The following SLC35F3 variants were observed in gnomAD, a reference collection of about 807,000 sequenced individuals.
The protein encoded by SLC35F3 is putative thiamine transporter SLC35F3.
In SLC35F3, 25 loss-of-function variants were observed where a neutral mutation model predicts 49.9. The observed-to-expected ratio is 0.50, with a 90% CI of 0.37 to 0.70. SLC35F3 has a LOEUF of 0.70. Among genes scored for constraint, SLC35F3 ranks in the 30% least tolerant of loss-of-function variants. The pLI is 0.00. For synonymous variants in SLC35F3, 275 were observed against 265.4 expected (o/e 1.04, Z -0.35); for missense variants, 525 against 639.8 (o/e 0.82, Z 1.94).
At chr1:234,270,795 T>A (rs1003674729) in intron 3 of SLC35F3, among the ~76,000 whole-genome samples, 2 of 152,270 alleles carry the variant, frequency 1.3e-5, no homozygotes, top group East Asian at 3.9e-4. Flanking sequence ...CAAGGCCAAA[T>A]TGGGATGATG....
At chr1:234,304,494 T>C (rs1668747215) in intron 3 of SLC35F3, among the ~76,000 whole-genome samples, 1 of 152,216 alleles carries the variant, frequency 6.6e-6, no homozygotes, top group African/African-American at 2.4e-5. Flanking sequence ...TAATAACCAT[T>C]TGTTCTTGTT....
At chr1:233,929,273 A>T (rs993308445) in intron 2 of SLC35F3, among the ~76,000 whole-genome samples, 1 of 152,178 alleles carries the variant, frequency 6.6e-6, no homozygotes, top group African/African-American at 2.4e-5. Context: ...ATCCAGCTTG[A>T]CCAACATTAC....
rs529539229 is a variant in SLC35F3 at position 233,908,563 on chromosome 1, A to G, written c.283+2805A>G. ...TTTTTTTTTTTTTTTTTTTTTTTTGACAGAGTCTTATTCTGTCACCCAGGC... is the reference window on the plus strand; with the variant it reads ...TTTTTTTTTTTTTTTTTTTTTTTTGGCAGAGTCTTATTCTGTCACCCAGGC... On this transcript the variant is annotated intron_variant, in intron 2 of 7. Transcript: ENST00000366618. Among the ~76,000 whole-genome samples, 97 of 59,082 alleles carry G rather than the reference A, an allele frequency of 1.6e-3. No individual in the cohort carries two copies. In the South Asian group the frequency reaches 0.046, roughly 28 times the overall value. The allele number at this position is 59,082 out of a possible 152,430, so 38.8% of individuals were successfully genotyped here. A position where few individuals can be genotyped will look rare whatever the true frequency, so the allele number is the denominator to read the frequency against.
chr1:233,937,145 A>G (rs778389865), intron 2 of SLC35F3, among the ~76,000 whole-genome samples: 60 of 152,338 alleles, frequency 3.9e-4, no homozygotes, highest in Non-Finnish European at 1.3e-4. Context: ...CTCAAGTTTC[A>G]TAGAAAGGGG....
intron 2 of SLC35F3, among the ~76,000 whole-genome samples, chr1:234,011,886 A>G (rs1248519371): frequency 6.6e-6 from 1 of 152,130 alleles, no homozygotes; most frequent in Non-Finnish European, 1.5e-5. Flanking sequence ...AAGAAATAAG[A>G]CACAGAGACA....
At chr1:234,072,446 C>T (rs1412453896) in intron 2 of SLC35F3, among the ~76,000 whole-genome samples, 3 of 152,126 alleles carry the variant, frequency 2.0e-5, no homozygotes, top group South Asian at 4.1e-4. Flanking sequence ...CCCTGGCCCT[C>T]CTTGGTAGAA....
At chr1:234,157,544 C>T (rs187602535) in intron 2 of SLC35F3, among the ~76,000 whole-genome samples, 5 of 152,132 alleles carry the variant, frequency 3.3e-5, no homozygotes, top group Admixed American at 6.5e-5. Context: ...TACATGAGGA[C>T]GCAATTCTGA....
At chr1:234,132,320 G>A (rs1332192442) in intron 2 of SLC35F3, among the ~76,000 whole-genome samples, 1 of 152,156 alleles carries the variant, frequency 6.6e-6, no homozygotes, top group South Asian at 2.1e-4. Context: ...ATATTTAGGG[G>A]TTTTAAATAC....
intron 2 of SLC35F3, among the ~76,000 whole-genome samples, chr1:234,132,233 T>C (rs1199714060): frequency 1.3e-5 from 2 of 152,200 alleles, no homozygotes; most frequent in African/African-American, 2.4e-5. Flanking sequence ...TTCCTCATAT[T>C]ATATAACATC....
chr1:233,905,010 A>C lies in SLC35F3; in HGVS notation c.-68A>C, dbSNP rs1661747097. 1 of 1,501,428 alleles carries C rather than the reference A, an allele frequency of 6.7e-7. No individual in the cohort carries two copies. Among genetic ancestry groups the C allele is most frequent in the Non-Finnish European group, 9.0e-7 (1 of 1,106,008 alleles). The allele number at this position is 1,501,428 out of a possible 1,614,324, so 93.0% of individuals were successfully genotyped here. A position where few individuals can be genotyped will look rare whatever the true frequency, so the allele number is the denominator to read the frequency against. ...CCAGTCTTCCCAGGCTAGCGGCTGC[A>C]GGGAGCTCCGGCCCGCGGCCCCTCC... is the stretch of plus-strand genomic sequence containing the variant. On this transcript the variant is annotated 5_prime_UTR_variant, in exon 1 of 8. Coordinates refer to ENST00000366618, the MANE Select transcript of SLC35F3 (RefSeq NM_173508.4).
intron 2 of SLC35F3, among the ~76,000 whole-genome samples, chr1:233,941,962 GTTTTTTTTT>G (rs547024039): frequency 8.4e-6 from 1 of 118,912 alleles, no homozygotes; most frequent in African/African-American, 2.9e-5. Flanking sequence ...TTGTTTTTTT[GTTTTTTTTT>G]TTTTTTTTTA....
intron 2 of SLC35F3, among the ~76,000 whole-genome samples, chr1:234,217,629 C>G (rs551617208): frequency 6.5e-4 from 99 of 151,260 alleles, no homozygotes; most frequent in South Asian, 2.7e-3. Context: ...GAGAAGGAGG[C>G]CTTTCTAAGA....
chr1:234,308,575 C>G lies in SLC35F3; in HGVS notation c.609-526C>G, dbSNP rs369900171. On this transcript the variant is annotated intron_variant, in intron 3 of 7. Coordinates refer to ENST00000366618, the MANE Select transcript of SLC35F3 (RefSeq NM_173508.4). ...AAAGCCAAAAGATTAGACACCCTGT[C>G]TTCCCCAGAGTATCCATCCTCCTCC... is the stretch of plus-strand genomic sequence containing the variant. Among the ~76,000 whole-genome samples, 35 of 152,212 alleles carry G rather than the reference C, an allele frequency of 2.3e-4. No individual in the cohort carries two copies. In the South Asian group the frequency reaches 7.1e-3, roughly 31 times the overall value.
chr1:234,110,506 A>G (rs570753975), intron 2 of SLC35F3, among the ~76,000 whole-genome samples: 1 of 152,386 alleles, frequency 6.6e-6, no homozygotes, highest in Middle Eastern at 3.4e-3. Context: ...GGTGTTCAAT[A>G]AACATTTGCT....
At chr1:234,119,483 G>A (rs918031277) in intron 2 of SLC35F3, among the ~76,000 whole-genome samples, 1 of 152,110 alleles carries the variant, frequency 6.6e-6, no homozygotes, top group African/African-American at 2.4e-5. Context: ...TCCGCCGTTG[G>A]ATAGACATTT....
chr1:234,169,258 C>G (rs766884903), intron 2 of SLC35F3, among the ~76,000 whole-genome samples: 4 of 152,214 alleles, frequency 2.6e-5, no homozygotes, highest in Non-Finnish European at 4.4e-5. Flanking sequence ...AAATGCTCAT[C>G]TTTTCCAGAA....
rs532063445 is a variant in SLC35F3, at chr1:234,073,671, C to T, written c.284-157746C>T. On this transcript the variant is annotated intron_variant, in intron 2 of 7. Transcript: ENST00000366618. ...TCAGATCAATTTAAATCACTTCCTC[C>T]GACATGATAAATATATGATACATAC... 1.1e-4 allele frequency among the ~76,000 whole-genome samples: 17 copies of T among 152,232 alleles called. No individual in the cohort carries two copies. In the East Asian group the frequency reaches 1.7e-3, roughly 16 times the overall value.
intron 3 of SLC35F3, among the ~76,000 whole-genome samples, chr1:234,256,242 A>G (rs1016082582): frequency 8.5e-5 from 13 of 152,250 alleles, no homozygotes; most frequent in African/African-American, 3.1e-4. Flanking sequence ...TAGAATTAAT[A>G]AAAAGTGAAT....
chr1:234,243,976 G>T (rs1477328481), intron 3 of SLC35F3, among the ~76,000 whole-genome samples: 1 of 152,226 alleles, frequency 6.6e-6, no homozygotes, highest in East Asian at 1.9e-4. Flanking sequence ...TTGCATAGCT[G>T]CAAGGTGGGA....
Sources: allele counts gnomAD v4.1 joint callset (sites outside exome capture counted in the v4.1 genomes callset), GRCh38; gene constraint gnomAD v4.1.1; transcripts MANE v1.5; gene names NCBI Gene and HGNC (gene_info 2026-07-23, HGNC 2026-07-21).